ZBTB20: variants seen among roughly 807,000 people sequenced by gnomAD.
ZBTB20 encodes zinc finger and BTB domain containing 20.
Under a neutral mutation model 56.9 loss-of-function variants are expected in ZBTB20, and 9 were observed. That is an observed-to-expected ratio of 0.16 (90% confidence interval 0.10 to 0.28). The LOEUF is 0.28. Ranked by LOEUF, ZBTB20 falls within the 10% of genes least tolerant of loss-of-function variation. ZBTB20 has a pLI of 1.00. For synonymous variants in ZBTB20, 417 were observed against 420.7 expected (o/e 0.99, Z 0.11); for missense variants, 655 against 1,003.0 (o/e 0.65, Z 4.69).
chr3:115,101,516 T>C (rs576106426), intron 1 of ZBTB20, among the ~76,000 whole-genome samples: 2 of 152,232 alleles, frequency 1.3e-5, no homozygotes, highest in South Asian at 4.2e-4. Context: ...TTTAAGCCAC[T>C]CTCCTCGTCC....
intron 7 of ZBTB20, among the ~76,000 whole-genome samples, chr3:114,493,408 C>T (rs2042949464): frequency 5.9e-5 from 9 of 152,156 alleles, no homozygotes; most frequent in Admixed American, 5.2e-4. Context: ...AAAGTTTACC[C>T]TTTTAAAAAA....
intron 1 of ZBTB20, among the ~76,000 whole-genome samples, chr3:115,087,846 T>C (rs1405070399): frequency 6.6e-6 from 1 of 151,964 alleles, no homozygotes; most frequent in Admixed American, 6.6e-5. Flanking sequence ...TCCTTTTTCC[T>C]GCCTCCTTTG....
rs139337447 is a variant in ZBTB20, at chr3:114,568,554, T to C, written c.-294-68163A>G. On this transcript the variant is annotated intron_variant, in intron 6 of 11. Transcript: ENST00000675478. ...CAATGGAGCATGGGAAAACCATTTA[T>C]AAAAATTCCTGGTATGCCAGTTTAA... Among the ~76,000 whole-genome samples, 33 of 152,320 alleles carry C rather than the reference T, an allele frequency of 2.2e-4. 1 individual carries two copies. Among genetic ancestry groups the C allele is most frequent in the African/African-American group, 7.0e-4 (29 of 41,572 alleles).
intron 6 of ZBTB20, among the ~76,000 whole-genome samples, chr3:114,644,740 C>A (rs2059749061): frequency 6.6e-6 from 1 of 152,056 alleles, no homozygotes; most frequent in Non-Finnish European, 1.5e-5. Context: ...CAGCATCACA[C>A]AATATTCCTA....
chr3:114,975,307 C>T (rs1460342224), intron 2 of ZBTB20, among the ~76,000 whole-genome samples: 1 of 152,118 alleles, frequency 6.6e-6, no homozygotes, highest in Non-Finnish European at 1.5e-5. Context: ...CTTGATGCCA[C>T]ATTTACTAAT....
chr3:114,861,342 G>A (rs772725659), intron 4 of ZBTB20, among the ~76,000 whole-genome samples: 11 of 152,052 alleles, frequency 7.2e-5, no homozygotes, highest in Admixed American at 2.0e-4. Context: ...TTATTCCTTA[G>A]TTTATTGCTA....
chr3:114,431,009 C>T (rs1377902212), intron 7 of ZBTB20, among the ~76,000 whole-genome samples: 2 of 152,186 alleles, frequency 1.3e-5, no homozygotes, highest in East Asian at 1.9e-4. Flanking sequence ...AGTTTCTCCT[C>T]GTGCTAAGCT....
At chr3:115,086,375 G>A (rs934967696) in intron 1 of ZBTB20, among the ~76,000 whole-genome samples, 11 of 151,726 alleles carry the variant, frequency 7.2e-5, no homozygotes, top group African/African-American at 2.2e-4. Flanking sequence ...TTAGAGAACC[G>A]TATTTATTTT....
rs1380792991 is a variant in ZBTB20, at chr3:114,322,037, G to T, written c.*16968C>A. 1 of 152,240 alleles carries T rather than the reference G, an allele frequency of 6.6e-6. No homozygotes were observed. The highest frequency in any genetic ancestry group is 1.5e-5 in the Non-Finnish European group (1 of 68,062). 9.4% of individuals were successfully genotyped at this position (152,240 alleles called of 1,614,324 possible). A position where few individuals can be genotyped will look rare whatever the true frequency, so the allele number is the denominator to read the frequency against. ...ACTCCAGAAATCACAACAAAATCCA[G>T]ACTGTGGCTTTTTCAACACTTGAAT... is the stretch of plus-strand genomic sequence containing the variant. On this transcript the variant is annotated 3_prime_UTR_variant, in exon 12 of 12. Coordinates refer to ENST00000675478, the MANE Select transcript of ZBTB20 (RefSeq NM_001348800.3).
chr3:114,867,083 G>T (rs2075795172), intron 4 of ZBTB20, among the ~76,000 whole-genome samples: 1 of 152,150 alleles, frequency 6.6e-6, no homozygotes, highest in Non-Finnish European at 1.5e-5. Flanking sequence ...ATTATAGGAT[G>T]AAAAAGCCCC....
chr3:114,972,746 A>G (rs2077937878), intron 3 of ZBTB20, among the ~76,000 whole-genome samples: 1 of 152,208 alleles, frequency 6.6e-6, no homozygotes, highest in Admixed American at 6.5e-5. Context: ...AATTTTAAAT[A>G]TAAACCTGAA....
intron 4 of ZBTB20, among the ~76,000 whole-genome samples, chr3:114,882,993 G>T (rs1262013361): frequency 6.6e-6 from 1 of 152,142 alleles, no homozygotes; most frequent in African/African-American, 2.4e-5. Context: ...GACTTCTCTA[G>T]TCCCACAGTA....
intron 7 of ZBTB20, among the ~76,000 whole-genome samples, chr3:114,499,591 TAA>T (rs1243632273): frequency 6.6e-6 from 1 of 152,236 alleles, no homozygotes; most frequent in Non-Finnish European, 1.5e-5. Context: ...GTGTCTCTTA[TAA>T]GTGACTTTGA....
intron 2 of ZBTB20, among the ~76,000 whole-genome samples, chr3:115,034,357 A>G (rs2080827680): frequency 1.3e-5 from 2 of 151,568 alleles, no homozygotes; most frequent in Admixed American, 1.3e-4. Context: ...CCAAAAAAAA[A>G]CCCTGTTAGA....
intron 4 of ZBTB20, among the ~76,000 whole-genome samples, chr3:114,808,339 G>A (rs2072272507): frequency 6.6e-6 from 1 of 151,906 alleles, no homozygotes; most frequent in African/African-American, 2.4e-5. Context: ...GCAATGAAAA[G>A]GATTATGAGG....
chr3:114,655,479 C>T (rs1364969625), intron 6 of ZBTB20, among the ~76,000 whole-genome samples: 4 of 151,606 alleles, frequency 2.6e-5, no homozygotes, highest in Non-Finnish European at 1.5e-5. Flanking sequence ...GTCTCGATCT[C>T]CTGACCTCAT....
intron 6 of ZBTB20, among the ~76,000 whole-genome samples, chr3:114,522,857 G>A (rs145376503): frequency 1.2e-4 from 19 of 152,282 alleles, no homozygotes; most frequent in Non-Finnish European, 2.4e-4. Flanking sequence ...TCCATTTCTG[G>A]TATGTCAAGT....
At chr3:114,892,589 T>A (rs1403672823) in intron 4 of ZBTB20, among the ~76,000 whole-genome samples, 1 of 152,138 alleles carries the variant, frequency 6.6e-6, no homozygotes, top group Non-Finnish European at 1.5e-5. Context: ...GGATATAAGA[T>A]CTGGAGTGCT....
At chr3:114,641,873 T>C (rs1484486270) in intron 6 of ZBTB20, among the ~76,000 whole-genome samples, 1 of 152,018 alleles carries the variant, frequency 6.6e-6, no homozygotes. Context: ...CTCACTGTTT[T>C]TCATTGTTTA....
Sources: allele counts gnomAD v4.1 joint callset (sites outside exome capture counted in the v4.1 genomes callset), GRCh38; gene constraint gnomAD v4.1.1; transcripts MANE v1.5; gene names NCBI Gene and HGNC (gene_info 2026-07-23, HGNC 2026-07-21).